Variants in CNKSR2 observed in about 807,000 individuals in gnomAD.
CNKSR2 encodes the protein connector enhancer of kinase suppressor of Ras 2, also known as CNK homolog protein 2.
Under a neutral mutation model 84.4 loss-of-function variants are expected in CNKSR2, and 14 were observed. The ratio of observed to expected loss-of-function variants is 0.17; its 90% CI spans 0.11 to 0.26. CNKSR2 has a LOEUF of 0.26. Among genes scored for constraint, CNKSR2 ranks in the 10% least tolerant of loss-of-function variants. CNKSR2 has a pLI of 1.00. For missense variants in CNKSR2, 485 were observed against 771.2 expected, an observed-to-expected ratio of 0.63 and a Z score of 4.40; for synonymous variants, 275 against 277.9, an observed-to-expected ratio of 0.99 and a Z score of 0.10.
intron 4 of CNKSR2, among the ~76,000 whole-genome samples, chrX:21,453,958 A>G (rs974796505): frequency 1.3e-4 from 14 of 111,813 alleles, no homozygotes; most frequent in Non-Finnish European, 2.4e-4. Context: ...ATCACATCCC[A>G]CCAGGCACCT....
intron 13 of CNKSR2, among the ~76,000 whole-genome samples, chrX:21,583,117 G>A (rs1445429799): frequency 2.7e-5 from 3 of 110,848 alleles, no homozygotes; most frequent in Non-Finnish European, 5.7e-5. Context: ...CATGTACCCC[G>A]ATCCTAAAAT....
intron 13 of CNKSR2, among the ~76,000 whole-genome samples, chrX:21,565,228 T>C (rs1457699227): frequency 2.7e-5 from 3 of 111,770 alleles, no homozygotes; most frequent in Non-Finnish European, 5.7e-5. Flanking sequence ...ATTTAAATAC[T>C]CAGCCTGCTC....
At chrX:21,587,666 G>A (rs2092396760) in intron 13 of CNKSR2, among the ~76,000 whole-genome samples, 1 of 112,137 alleles carries the variant, frequency 8.9e-6, no homozygotes. Context: ...GATACAGGAT[G>A]ATAAATTTGC....
chrX:21,542,525 TA>T (rs1200831131), intron 11 of CNKSR2, among the ~76,000 whole-genome samples: 1 of 111,897 alleles, frequency 8.9e-6, no homozygotes, highest in Non-Finnish European at 1.9e-5. Flanking sequence ...ATTTTAACTA[TA>T]TAGGGTCTCA....
At chrX:21,391,942 G>T (rs1486645810) in intron 1 of CNKSR2, among the ~76,000 whole-genome samples, 1 of 111,737 alleles carries the variant, frequency 8.9e-6, no homozygotes, top group Non-Finnish European at 1.9e-5. Context: ...AATTTCTTCT[G>T]CCAGATACCC....
At chrX:21,627,601 G>A (rs995578971) in intron 20 of CNKSR2, among the ~76,000 whole-genome samples, 1 of 112,257 alleles carries the variant, frequency 8.9e-6, no homozygotes, top group African/African-American at 3.2e-5. Flanking sequence ...AGGCGAGGAG[G>A]AGCAAGTCAT....
chrX:21,523,342 C>T (rs2091803128), intron 9 of CNKSR2, among the ~76,000 whole-genome samples: 1 of 111,124 alleles, frequency 9.0e-6, no homozygotes. Flanking sequence ...AAGATGTAAT[C>T]CTAAAGCAGT....
rs375359551 is a variant in CNKSR2 at position 21,613,860 on chromosome X, A to G, written c.2692+4243A>G. 2.8e-4 allele frequency among the ~76,000 whole-genome samples: 30 copies of G among 105,983 alleles called. No individual in the cohort carries two copies. In the East Asian group the frequency reaches 2.9e-3, roughly 10 times the overall value. The allele number at this position is 105,983 out of a possible 115,157, so 92.0% of individuals were successfully genotyped here. A position where few individuals can be genotyped will look rare whatever the true frequency, so the allele number is the denominator to read the frequency against. ...TGGCTGAGACGGGAGAATTGCTTGA[A>G]CCCGGGAGGTGGAGGTTGCAGTGAG... On this transcript the variant is annotated intron_variant, in intron 20 of 21. Transcript: ENST00000379510.
chrX:21,425,113 C>T (rs780950263), intron 1 of CNKSR2: 1 of 111,698 alleles, frequency 9.0e-6, no homozygotes, highest in Non-Finnish European at 1.9e-5. Flanking sequence ...CAGACTCTCT[C>T]TCTCAATCCC....
chrX:21,613,994 TATAA>T (rs1265811859), intron 20 of CNKSR2, among the ~76,000 whole-genome samples: 2 of 109,955 alleles, frequency 1.8e-5, no homozygotes, highest in Non-Finnish European at 3.8e-5. Flanking sequence ...TAACCTGCTC[TATAA>T]ATAAACAAAA....
intron 15 of CNKSR2, chrX:21,593,711 A>T (rs908132211): frequency 8.9e-6 from 1 of 111,862 alleles, no homozygotes; most frequent in African/African-American, 3.2e-5. Context: ...TCCATTTTCC[A>T]GGTGAAAAAT....
chrX:21,437,037 T>C (rs922696377), intron 3 of CNKSR2, among the ~76,000 whole-genome samples: 1 of 112,141 alleles, frequency 8.9e-6, no homozygotes, highest in Admixed American at 9.5e-5. Context: ...TTTAGATTTT[T>C]CTTTTCATTT....
At chrX:21,383,738 A>T (rs2089931639) in intron 1 of CNKSR2, among the ~76,000 whole-genome samples, 2 of 109,388 alleles carry the variant, frequency 1.8e-5, no homozygotes, top group Non-Finnish European at 3.8e-5. Context: ...TGCTATTTTT[A>T]AAACAGGCTT....
Position 21,611,885 on chromosome X carries a change from G to A in CNKSR2, c.2692+2268G>A, listed in dbSNP as rs184277038. Among the ~76,000 whole-genome samples, 395 of 111,590 alleles carry A rather than the reference G, an allele frequency of 3.5e-3. 1 individual carries two copies. Among genetic ancestry groups the A allele is most frequent in the Non-Finnish European group, 6.1e-3 (324 of 53,131 alleles). ...CAGTCAGATCTGCTTCACTGAAAGT[G>A]GCCTTGCACTGTCTTTCAGGCCCCA... On this transcript the variant is annotated intron_variant, in intron 20 of 21. Coordinates refer to ENST00000379510, the MANE Select transcript of CNKSR2 (RefSeq NM_014927.5).
At chrX:21,488,556 A>G (rs1249270842) in intron 5 of CNKSR2, among the ~76,000 whole-genome samples, 1 of 111,814 alleles carries the variant, frequency 8.9e-6, no homozygotes, top group Non-Finnish European at 1.9e-5. Context: ...TAGACACAAT[A>G]AAAGTACAGA....
At chrX:21,543,114 A>G (rs553034898) in intron 11 of CNKSR2, among the ~76,000 whole-genome samples, 5 of 112,612 alleles carry the variant, frequency 4.4e-5, no homozygotes, top group Middle Eastern at 9.2e-3. Context: ...AGTTTTATCA[A>G]TGTGAAGTTA....
At chrX:21,436,978 G>C (rs1271410076) in intron 3 of CNKSR2, among the ~76,000 whole-genome samples, 1 of 111,545 alleles carries the variant, frequency 9.0e-6, no homozygotes, top group African/African-American at 3.3e-5. Flanking sequence ...AAAAACTTTA[G>C]GGTAATTCTA....
rs1443543752 is a variant in CNKSR2, at chrX:21,591,173, T to G, written c.1809T>G (p.Leu603=). 2 of 1,197,753 alleles carry G rather than the reference T, an allele frequency of 1.7e-6. No homozygotes were observed. Among genetic ancestry groups the G allele is most frequent in the Non-Finnish European group, 2.3e-6 (2 of 886,642 alleles). Reference sequence around the variant, plus strand: ...GGTTTGTCCTAAAGGATGCATCCCTTTATTGGTATATTAATGAGGAGGTAA... The same window carrying G: ...GGTTTGTCCTAAAGGATGCATCCCTGTATTGGTATATTAATGAGGAGGTAA... The part of the protein sequence containing the change: ...KYWFVLKDAS[L]YWYINEEDEK... The change falls in exon 15 of 22, where the codon CTT becomes CTG. Residue 603 remains leucine, a synonymous_variant. Coordinates refer to ENST00000379510, the MANE Select transcript of CNKSR2 (RefSeq NM_014927.5).
At position 21,393,913 on chromosome X, in the gene CNKSR2, A is replaced by G. The variant is rs138740219; in HGVS notation, c.64+18952A>G. Reference sequence around the variant, plus strand: ...CATTCCTCTTCCCCTTTCTTCCTCCATCTCTAGATTTCATACAGATGAATA... The same window carrying G: ...CATTCCTCTTCCCCTTTCTTCCTCCGTCTCTAGATTTCATACAGATGAATA... On this transcript the variant is annotated intron_variant, in intron 1 of 21. Transcript: ENST00000379510. 7.2e-3 allele frequency among the ~76,000 whole-genome samples: 809 copies of G among 112,091 alleles called. 8 individuals carry two copies. Among genetic ancestry groups the G allele is most frequent in the African/African-American group, 0.024 (750 of 30,917 alleles).
Sources: allele counts gnomAD v4.1 joint callset (sites outside exome capture counted in the v4.1 genomes callset), GRCh38; gene constraint gnomAD v4.1.1; transcripts MANE v1.5; gene names NCBI Gene and HGNC (gene_info 2026-07-23, HGNC 2026-07-21).